Variants in PSMD5 observed in about 807,000 individuals in gnomAD.
The protein encoded by PSMD5 is proteasome 26S subunit, non-ATPase 5, also known as 26S proteasome non-ATPase regulatory subunit 5.
Under a neutral mutation model 52.1 loss-of-function variants are expected in PSMD5, and 40 were observed. The observed-to-expected ratio is 0.77, with a 90% confidence interval of 0.60 to 1.00. PSMD5 has a LOEUF of 1.00. Ranked by LOEUF, PSMD5 falls within the 50% of genes least tolerant of loss-of-function variation. The probability of loss-of-function intolerance (pLI) is 0.00; values close to 1 mark genes in which losing one functional copy is unlikely to be tolerated. For missense variants in PSMD5, 575 were observed against 605.2 expected (o/e 0.95, Z 0.52); for synonymous variants, 211 against 226.6 (o/e 0.93, Z 0.62).
chr9:120,829,406 A>T (rs2045145403), intron 4 of PSMD5, among the ~76,000 whole-genome samples, 198 bp from the exon 5 acceptor site: 1 of 151,988 alleles, frequency 6.6e-6, no homozygotes, highest in South Asian at 2.1e-4. Flanking sequence ...TATTATTATT[A>T]TTTTTGAGAC....
At chr9:120,842,530 G>T in intron 1 of PSMD5, 1 of 608,618 alleles carries the variant, frequency 1.6e-6, no homozygotes, top group Non-Finnish European at 2.8e-6. Flanking sequence ...GCCAGGCGAC[G>T]GGAGAAAACA....
At chr9:120,834,610 TA>T (rs1162572757) in intron 1 of PSMD5, among the ~76,000 whole-genome samples, 1 of 152,042 alleles carries the variant, frequency 6.6e-6, no homozygotes, top group Non-Finnish European at 1.5e-5. Flanking sequence ...GGTGAGAAGG[TA>T]AAAGGGTGAG....
At chr9:120,841,717 T>G (rs2045239569) in intron 1 of PSMD5, 1 of 152,250 alleles carries the variant, frequency 6.6e-6, no homozygotes, top group Non-Finnish European at 1.5e-5. Flanking sequence ...TGGAATCCTC[T>G]GTTAACGGAT....
At chr9:120,841,075 C>T (rs1401830274) in intron 1 of PSMD5, among the ~76,000 whole-genome samples, 1 of 152,098 alleles carries the variant, frequency 6.6e-6, no homozygotes, top group East Asian at 1.9e-4. Context: ...TAATCAAACA[C>T]TACGGATGTG....
chr9:120,828,995 G>A (rs1043226769), intron 5 of PSMD5, 104 bp downstream of exon 5: 25 of 1,333,546 alleles, frequency 1.9e-5, no homozygotes, highest in Non-Finnish European at 2.4e-5. Context: ...TCATGAGATT[G>A]CAACCTGGGC....
At chr9:120,834,591 G>A (rs940775251) in intron 1 of PSMD5, among the ~76,000 whole-genome samples, 5 of 152,318 alleles carry the variant, frequency 3.3e-5, no homozygotes, top group Middle Eastern at 3.4e-3. Context: ...GTCAGAATGG[G>A]AGAGAGGTGG....
rs370146522 is a variant in PSMD5 at position 120,826,416 on chromosome 9, T to G, written c.814+349A>C. ...CCTTCTATACTTTATTTGTTAAGAG[T>G]TTTTATCATAAAAGAAAGGTGAAAT... On this transcript the variant is annotated intron_variant, in intron 6 of 9. Coordinates refer to ENST00000210313, the MANE Select transcript of PSMD5 (RefSeq NM_005047.4). Among the ~76,000 whole-genome samples, 110 of 152,278 alleles carry G rather than the reference T, an allele frequency of 7.2e-4. 2 individuals carry two copies. The South Asian group carries it at 0.023, about 31-fold the overall frequency.
chr9:120,836,343 GTA>G (rs1476885117), intron 1 of PSMD5, among the ~76,000 whole-genome samples: 1 of 149,494 alleles, frequency 6.7e-6, no homozygotes, highest in Non-Finnish European at 1.5e-5. Flanking sequence ...ATTTTAATTT[GTA>G]TTTCCCTATT....
At position 120,829,215 on chromosome 9, in the gene PSMD5, TAAA is replaced by T; in HGVS notation, c.562-10_562-8del. The T allele has an allele frequency of 8.1e-7, 1 of 1,227,594 alleles. No individual in the cohort carries two copies. Among genetic ancestry groups the T allele is most frequent in the Non-Finnish European group, 1.1e-6 (1 of 907,618 alleles). The allele number at this position is 1,227,594 out of a possible 1,614,324, so 76.0% of individuals were successfully genotyped here. ...AAGAAATCTCTATAATTAGCTGAAA[TAAA>T]AAAAAAAACACAGAAAAAAGAAAAA... On this transcript the variant is annotated splice_polypyrimidine_tract_variant and splice_region_variant and intron_variant, in intron 4 of 9. Transcript: ENST00000210313.
rs148211033 is a variant in PSMD5 at position 120,820,839 on chromosome 9, C to T, written c.1257G>A (p.Thr419=). The stretch of plus-strand genomic sequence containing the variant: ...AGGACCTATGGAAGTGAATACCTAC[C>T]GTAAACACTTTTAAGGCAGCACAGT... The part of the protein sequence containing the change: ...ELHCAALKVF[T]AIANQPWAQK... Residue 419 remains threonine, a splice_region_variant and synonymous_variant, in exon 9 of 10, where the codon ACG becomes ACA. Transcript: ENST00000210313. 3.5e-5 allele frequency: 55 copies of T among 1,571,426 alleles called. No individual in the cohort carries two copies. The African/African-American group carries it at 6.2e-4, about 18-fold the overall frequency.
At chr9:120,841,630 T>G (rs1291708636) in intron 1 of PSMD5, among the ~76,000 whole-genome samples, 1 of 152,132 alleles carries the variant, frequency 6.6e-6, no homozygotes, top group African/African-American at 2.4e-5. Context: ...GATCTTTCCA[T>G]GTCCACATAC....
Position 120,842,895 on chromosome 9 carries a change from A to G in PSMD5, c.15T>C (p.Ala5=). The part of the protein sequence containing the change: MAAQ[A]LALLREVARL... ...TCGCTACCTCTCTCAGCAGCGCCAA[A>G]GCCTGGGCTGCCATCTTGCCCCCCG... is the stretch of plus-strand genomic sequence containing the variant. The change falls in exon 1 of 10, where the codon GCT becomes GCC. Residue 5 remains alanine (A), a synonymous_variant. Coordinates refer to ENST00000210313, the MANE Select transcript of PSMD5 (RefSeq NM_005047.4). 4.4e-6 allele frequency: 7 copies of G among 1,590,506 alleles called. No homozygotes were observed. Among genetic ancestry groups the G allele is most frequent in the Non-Finnish European group, 6.0e-6 (7 of 1,173,718 alleles).
intron 7 of PSMD5, among the ~76,000 whole-genome samples, chr9:120,822,747 G>A (rs2045094678): frequency 6.6e-6 from 1 of 152,012 alleles, no homozygotes; most frequent in Non-Finnish European, 1.5e-5. Flanking sequence ...GGCTGGTCTC[G>A]AACTCTTGAC....
chr9:120,825,090 A>T (rs1322632394), intron 6 of PSMD5: 1 of 156,140 alleles, frequency 6.4e-6, no homozygotes, highest in Non-Finnish European at 1.4e-5. Flanking sequence ...AAGAAAGACT[A>T]ATCAACCAAA....
chr9:120,822,537 CTTTTTCTA>C (rs2045092804), intron 7 of PSMD5, among the ~76,000 whole-genome samples: 1 of 151,990 alleles, frequency 6.6e-6, no homozygotes, highest in African/African-American at 2.4e-5. Context: ...TTCTTTTTTT[CTTTTTCTA>C]TTTTCTAATT....
intron 3 of PSMD5, 23 bp from the exon 4 acceptor site, chr9:120,831,482 C>A: frequency 6.3e-7 from 1 of 1,580,276 alleles, no homozygotes; most frequent in South Asian, 1.2e-5. Flanking sequence ...GAAAATATCT[C>A]TTACATTCCC....
chr9:120,834,028 G>A lies in PSMD5; in HGVS notation c.174-572C>T, dbSNP rs1474166932. ...AGAGTCTCGCTCTGTTGCCCAGGCT[G>A]GAGTACAGTGGCACGATCTCTGCTC... On this transcript the variant is annotated intron_variant, in intron 1 of 9. Transcript: ENST00000210313. Among the ~76,000 whole-genome samples the A allele has an allele frequency of 2.8e-5, 4 of 140,966 alleles. No homozygotes were observed. In the East Asian group the frequency reaches 8.2e-4, roughly 29 times the overall value. The allele number at this position is 140,966 out of a possible 152,430, so 92.5% of individuals were successfully genotyped here.
At chr9:120,829,306 T>C in intron 4 of PSMD5, 98 bp from the exon 5 acceptor site, 1 of 1,280,876 alleles carries the variant, frequency 7.8e-7, no homozygotes, top group East Asian at 2.9e-5. Context: ...TAGGTACTTT[T>C]TATAAATGAG....
Position 120,820,971 on chromosome 9 carries a change from CT to C in PSMD5, c.1124del (p.Gln375ArgfsTer7). The C allele has an allele frequency of 6.3e-7, 1 of 1,585,034 alleles. No homozygotes were observed. ...TCATCCTCAGAAGGTCATCAGTCTG[CT>C]GCTCAGGCTACAGGAAAGAAAAGGA... is the stretch of plus-strand genomic sequence containing the variant. ...ISSLLYLPPE[Q>X]QTDDLLRMTE... On this transcript the variant is annotated frameshift_variant, in exon 9 of 10. Transcript: ENST00000210313. LOFTEE classifies it high-confidence loss of function.
Sources: allele counts gnomAD v4.1 joint callset (sites outside exome capture counted in the v4.1 genomes callset), GRCh38; gene constraint gnomAD v4.1.1; transcripts MANE v1.5; gene names NCBI Gene and HGNC (gene_info 2026-07-23, HGNC 2026-07-21).